The following ZNF385D variants were observed in gnomAD, a reference collection of about 807,000 sequenced individuals.
The protein encoded by ZNF385D is zinc finger protein 385D, also known as zinc finger protein 659.
ZNF385D carries 15 observed loss-of-function variants against 35.8 expected under a neutral mutation model. The ratio of observed to expected loss-of-function variants is 0.42; its 90% confidence interval spans 0.28 to 0.64. ZNF385D has a LOEUF of 0.64. Ranked by LOEUF, ZNF385D falls within the 30% of genes least tolerant of loss-of-function variation. ZNF385D has a pLI of 0.23. For missense variants in ZNF385D, 474 were observed against 494.6 expected, an observed-to-expected ratio of 0.96 and a Z score of 0.39; for synonymous variants, 212 against 186.8, an observed-to-expected ratio of 1.13 and a Z score of -1.10.
chr3:22,065,272 A>C (rs893955799), intron 3 of ZNF385D, among the ~76,000 whole-genome samples: 1 of 152,226 alleles, frequency 6.6e-6, no homozygotes, highest in African/African-American at 2.4e-5. Flanking sequence ...AGGACTTTTA[A>C]GAAAGCAAGA....
At chr3:21,832,148 C>G (rs922705704) in intron 3 of ZNF385D, among the ~76,000 whole-genome samples, 4 of 152,032 alleles carry the variant, frequency 2.6e-5, no homozygotes, top group African/African-American at 9.7e-5. Flanking sequence ...TTATTTGTAA[C>G]AAATTTTACA....
chr3:21,637,766 A>T (rs545146785), intron 2 of ZNF385D, among the ~76,000 whole-genome samples: 34 of 152,234 alleles, frequency 2.2e-4, no homozygotes, highest in African/African-American at 7.9e-4. Flanking sequence ...TTTCCTCCCC[A>T]CGAAACCTAG....
At chr3:21,885,793 C>T (rs1031791533) in intron 3 of ZNF385D, among the ~76,000 whole-genome samples, 7 of 134,102 alleles carry the variant, frequency 5.2e-5, no homozygotes, top group Non-Finnish European at 1.6e-5. Context: ...GAAAGAGAGA[C>T]CGATTTATTT....
In ZNF385D at chr3:22,062,723, G is replaced by T. The variant is rs533544264; in HGVS notation, c.325+106094C>A. 5.9e-5 allele frequency among the ~76,000 whole-genome samples: 9 copies of T among 152,260 alleles called. No homozygotes were observed. The East Asian group carries it at 9.7e-4, about 16-fold the overall frequency. ...AGTGTAGTAGAATTAACAATGTATG[G>T]TTTGTGGGAGTTGGTCATAAAAGAC... is the stretch of plus-strand genomic sequence containing the variant. On this transcript the variant is annotated intron_variant, in intron 3 of 5. Transcript: ENST00000494108.
chr3:22,189,846 T>C lies in ZNF385D; in HGVS notation c.107-20811A>G, dbSNP rs569668939. ...CCAGCCAATTCTACATTGCCTTGTGTCCTGTTGAAAGTGTCCTGTTGTTCA... is the reference window on the plus strand; with the variant it reads ...CCAGCCAATTCTACATTGCCTTGTGCCCTGTTGAAAGTGTCCTGTTGTTCA... On this transcript the variant is annotated intron_variant, in intron 2 of 5. Coordinates refer to the ZNF385D transcript ENST00000494108. 2.0e-5 allele frequency among the ~76,000 whole-genome samples: 3 copies of C among 152,280 alleles called. No homozygotes were observed. In the East Asian group the frequency reaches 5.8e-4, roughly 29 times the overall value.
At chr3:21,439,969 TAA>T (rs958047418) in intron 4 of ZNF385D, among the ~76,000 whole-genome samples, 5 of 152,062 alleles carry the variant, frequency 3.3e-5, no homozygotes, top group African/African-American at 1.2e-4. Flanking sequence ...GTGAAAGAAA[TAA>T]AAAGTTATAT....
chr3:22,073,750 T>G (rs576768561), intron 3 of ZNF385D, among the ~76,000 whole-genome samples: 87 of 152,018 alleles, frequency 5.7e-4, no homozygotes, highest in Non-Finnish European at 9.7e-4. Context: ...TTTGCTGAAT[T>G]GAAGAATACA....
chr3:22,328,955 T>C (rs923442080), intron 2 of ZNF385D, among the ~76,000 whole-genome samples: 2 of 151,272 alleles, frequency 1.3e-5, no homozygotes, highest in Non-Finnish European at 2.9e-5. Context: ...CGGGCGCCTG[T>C]AGTCCCACCT....
chr3:22,202,695 C>T (rs1327221271), intron 2 of ZNF385D, among the ~76,000 whole-genome samples: 1 of 152,130 alleles, frequency 6.6e-6, no homozygotes, highest in South Asian at 2.1e-4. Context: ...CCCCTCTCTC[C>T]TGTCCCCTAG....
At chr3:21,434,026 A>G (rs970940233) in intron 5 of ZNF385D, among the ~76,000 whole-genome samples, 1 of 152,190 alleles carries the variant, frequency 6.6e-6, no homozygotes, top group Non-Finnish European at 1.5e-5. Context: ...AAATGTAAAC[A>G]TTAGGTTATA....
At chr3:22,098,215 G>A (rs1701734806) in intron 3 of ZNF385D, among the ~76,000 whole-genome samples, 1 of 151,962 alleles carries the variant, frequency 6.6e-6, no homozygotes, top group Non-Finnish European at 1.5e-5. Flanking sequence ...TTTCAACCTT[G>A]CATCATGGAC....
chr3:21,422,408 TG>T (rs1449674465), intron 7 of ZNF385D, among the ~76,000 whole-genome samples: 1 of 152,242 alleles, frequency 6.6e-6, no homozygotes, highest in Non-Finnish European at 1.5e-5. Flanking sequence ...AGGTTTGTTA[TG>T]TAGGTAAATT....
intron 2 of ZNF385D, among the ~76,000 whole-genome samples, chr3:22,182,993 G>A (rs892420422): frequency 3.9e-5 from 6 of 151,936 alleles, no homozygotes; most frequent in Non-Finnish European, 8.8e-5. Context: ...GAAAGATTAA[G>A]TATTAAAATT....
chr3:21,791,963 G>C (rs112409736), intron 3 of ZNF385D, among the ~76,000 whole-genome samples: 1 of 152,116 alleles, frequency 6.6e-6, no homozygotes, highest in Non-Finnish European at 1.5e-5. Context: ...TCGATCTCCT[G>C]ACCTCGTGAT....
chr3:21,681,638 C>G (rs541618788), intron 1 of ZNF385D, among the ~76,000 whole-genome samples: 22 of 141,270 alleles, frequency 1.6e-4, no homozygotes, highest in Admixed American at 9.5e-4. Context: ...ATATTTGGAA[C>G]ACAAATGTAC....
intron 1 of ZNF385D, among the ~76,000 whole-genome samples, chr3:21,686,485 A>C (rs925636939): frequency 6.6e-6 from 1 of 152,220 alleles, no homozygotes; most frequent in Non-Finnish European, 1.5e-5. Context: ...TCACATATGC[A>C]TTTTTGAATT....
At chr3:22,216,642 T>C (rs1576510886) in intron 2 of ZNF385D, among the ~76,000 whole-genome samples, 1 of 151,880 alleles carries the variant, frequency 6.6e-6, no homozygotes, top group African/African-American at 2.4e-5. Flanking sequence ...GTCAGGAGAG[T>C]AGATTGAGCT....
intron 3 of ZNF385D, among the ~76,000 whole-genome samples, chr3:22,040,881 TAG>T (rs1330303312): frequency 3.3e-5 from 5 of 151,516 alleles, no homozygotes; most frequent in South Asian, 4.1e-4. Context: ...TCTTGCTTGC[TAG>T]AGTCTTTTTT....
At chr3:22,205,740 A>G (rs1368388987) in intron 2 of ZNF385D, among the ~76,000 whole-genome samples, 1 of 151,982 alleles carries the variant, frequency 6.6e-6, no homozygotes, top group Non-Finnish European at 1.5e-5. Flanking sequence ...CTCCACATCT[A>G]AAATATTATA....
Sources: allele counts gnomAD v4.1 joint callset (sites outside exome capture counted in the v4.1 genomes callset), GRCh38; gene constraint gnomAD v4.1.1; transcripts MANE v1.5; gene names NCBI Gene and HGNC (gene_info 2026-07-23, HGNC 2026-07-21).